TMEM234: variants seen among roughly 807,000 people sequenced by gnomAD.
The protein encoded by TMEM234 is chromosome 1 open reading frame 91.
TMEM234 carries 21 observed loss-of-function variants against 17.8 expected under a neutral mutation model. The observed-to-expected ratio is 1.18, with a 90% CI of 0.84 to 1.70. TMEM234 has a LOEUF of 1.70. Ranked by LOEUF, TMEM234 falls within the 40% of genes most tolerant of loss-of-function variation. The pLI is 0.00. For synonymous variants in TMEM234, 83 were observed against 73.5 expected, an observed-to-expected ratio of 1.13 and a Z score of -0.66; for missense variants, 137 against 166.9, an observed-to-expected ratio of 0.82 and a Z score of 0.99.
chr1:32,215,622 AAC>A (rs1235413307), downstream of TMEM234: 2 of 1,351,562 alleles, frequency 1.5e-6, no homozygotes, highest in Non-Finnish European at 1.0e-6. Flanking sequence ...GGGCCCCAGG[AAC>A]AGTTCTCCTC....
chr1:32,215,331 A>G (rs552659434), downstream of TMEM234: 15 of 882,794 alleles, frequency 1.7e-5, no homozygotes, highest in South Asian at 2.6e-4. Context: ...GTGGTGGGGA[A>G]TGCAGAACCA....
At chr1:32,215,616 C>T (rs969732654), downstream of TMEM234, 8 of 1,413,774 alleles carry the variant, frequency 5.7e-6, no homozygotes, top group African/African-American at 4.3e-5. Context: ...AGCCTTGGGC[C>T]CCAGGAACAG....
At position 32,216,825 on chromosome 1, in the gene TMEM234, A is replaced by G; in HGVS notation, c.*28T>C. 6.2e-7 allele frequency: 1 copy of G among 1,613,082 alleles called. No homozygotes were observed. The highest frequency in any genetic ancestry group is 8.5e-7 in the Non-Finnish European group (1 of 1,179,662). ...CATGGCCCAGGGGCTTCCTGGAGGC[A>G]GCAGAGCTGGAAGTGGGTTCGGCCC... On this transcript the variant is annotated 3_prime_UTR_variant, in exon 5 of 5. Coordinates refer to ENST00000309777, the MANE Select transcript of TMEM234 (RefSeq NM_019118.5).
At chr1:32,222,244 A>G in intron 1 of TMEM234, 63 bp downstream of exon 1, 1 of 1,527,218 alleles carries the variant, frequency 6.5e-7, no homozygotes, top group Non-Finnish European at 8.8e-7. Context: ...GTGGATGTGG[A>G]GCAGGAAATG....
Position 32,216,797 on chromosome 1 carries a change from C to A in TMEM234, c.*56G>T. The A allele has an allele frequency of 6.2e-7, 1 of 1,602,116 alleles. No individual in the cohort carries two copies. The highest frequency in any genetic ancestry group is 8.5e-7 in the Non-Finnish European group (1 of 1,173,632). On this transcript the variant is annotated 3_prime_UTR_variant, in exon 5 of 5. Coordinates refer to ENST00000309777, the MANE Select transcript of TMEM234 (RefSeq NM_019118.5). ...TAGGTCCATCCGCTCACTGCCAGCA[C>A]TTCATGGCCCAGGGGCTTCCTGGAG... is the stretch of plus-strand genomic sequence containing the variant.
Position 32,222,010 on chromosome 1 carries a change from A to C in TMEM234, c.25T>G (p.Leu9Val). The C allele has an allele frequency of 6.2e-7, 1 of 1,611,122 alleles. No individual in the cohort carries two copies. The highest frequency in any genetic ancestry group is 8.5e-7 in the Non-Finnish European group (1 of 1,179,320). Residue 9 changes from leucine to valine, a missense_variant, in exon 2 of 5, where the codon TTG becomes GTG. Coordinates refer to ENST00000309777, the MANE Select transcript of TMEM234 (RefSeq NM_019118.5). Reference protein sequence around the residue: MAASLGQVLALVLVAALWG... With the variant: MAASLGQVVALVLVAALWG... ...AGAGCGGCCACCAGCACCAGAGCCA[A>C]CACCTGCCCTGAATGCAGACGAGTG...
Position 32,217,259 on chromosome 1 carries a change from GT to G in TMEM234, c.327del (p.Lys109AsnfsTer11). 1.2e-6 allele frequency: 2 copies of G among 1,614,166 alleles called. No individual in the cohort carries two copies. The highest frequency in any genetic ancestry group is 1.7e-6 in the Non-Finnish European group (2 of 1,180,042). On this transcript the variant is annotated frameshift_variant and splice_region_variant, in exon 4 of 5. Transcript: ENST00000309777. LOFTEE classifies it high-confidence loss of function. ...CCGCACTCGCAGTAGTCTAACTTAC[GT>G]TTTCCACCAATATCTTCTCCAAGGG... ...GKALGEDIGG[K>X]RAVAGMVLTV...
chr1:32,220,781 A>G (rs190935283), intron 3 of TMEM234, among the ~76,000 whole-genome samples: 1 of 152,212 alleles, frequency 6.6e-6, no homozygotes, highest in Non-Finnish European at 1.5e-5. Flanking sequence ...AGCCAACTAT[A>G]TAAAACCAAG....
rs1289543011 is a variant in TMEM234 at position 32,222,306 on chromosome 1, C to T, written c.16+1G>A. ...ATGGAAGGGCGGGGCCGGCTACCTA[C>T]CCAGAGACGCCGCCATGGCAACGCC... On this transcript the variant is annotated splice_donor_variant, in intron 1 of 4. Transcript: ENST00000309777. LOFTEE classifies it high-confidence loss of function. The T allele has an allele frequency of 6.4e-6, 10 of 1,560,844 alleles. No homozygotes were observed. Among genetic ancestry groups the T allele is most frequent in the Non-Finnish European group, 8.7e-6 (10 of 1,152,978 alleles).
At chr1:32,221,012 G>A in intron 3 of TMEM234, 119 bp downstream of exon 3, 1 of 741,304 alleles carries the variant, frequency 1.3e-6, no homozygotes, top group South Asian at 1.6e-5. Flanking sequence ...GGGAACTAGA[G>A]CTAGTCAGCC....
In TMEM234 at chr1:32,216,927, G is replaced by A. The variant is rs756021806; in HGVS notation, c.349C>T (p.Leu117Phe). Reference protein sequence around the residue: ...GGKRAVAGMVLTVIGISLCIT... With the variant: ...GGKRAVAGMVFTVIGISLCIT... ...CAGAGTGAAATTCCTATCACGGTGA[G>A]CACCATGCCAGCAACTGCTCCTGGG... Residue 117 changes from leucine (L) to phenylalanine (F), a missense_variant, in exon 5 of 5, where the codon CTC (leucine) becomes TTC (phenylalanine). Transcript: ENST00000309777. 1.2e-6 allele frequency: 2 copies of A among 1,614,096 alleles called. No individual in the cohort carries two copies. Among genetic ancestry groups the A allele is most frequent in the East Asian group, 2.2e-5 (1 of 44,908 alleles).
chr1:32,216,627 G>A lies in TMEM234; in HGVS notation c.*226C>T, dbSNP rs142470749. 526 of 1,528,718 alleles carry A rather than the reference G, an allele frequency of 3.4e-4. 4 individuals are homozygous for A. The African/African-American group carries it at 6.4e-3, about 19-fold the overall frequency. The allele number at this position is 1,528,718 out of a possible 1,614,324, so 94.7% of individuals were successfully genotyped here. Reference sequence around the variant, plus strand: ...GGCAGAAAGGTTGCTGAGGGTGAGCGTAGAGTCTCCTGTGCTAAATCCCCG... The same window carrying A: ...GGCAGAAAGGTTGCTGAGGGTGAGCATAGAGTCTCCTGTGCTAAATCCCCG... On this transcript the variant is annotated 3_prime_UTR_variant, in exon 5 of 5. Coordinates refer to ENST00000309777, the MANE Select transcript of TMEM234 (RefSeq NM_019118.5).
chr1:32,215,847 C>CCTGGGG (rs1557537055), downstream of TMEM234: 2 of 1,553,214 alleles, frequency 1.3e-6, no homozygotes, highest in Non-Finnish European at 8.7e-7. Flanking sequence ...GGAAAACCAG[C>CCTGGGG]CTGGGGCTGG....
downstream of TMEM234, chr1:32,214,686 T>C: frequency 6.8e-7 from 1 of 1,468,364 alleles, no homozygotes; most frequent in Non-Finnish European, 9.2e-7. Context: ...AGACGGTGTC[T>C]CCTCTGCCAT....
chr1:32,217,611 C>G lies in TMEM234; in HGVS notation c.236-260G>C, dbSNP rs1638521610. ...ATAATGAGAATGAGGTCTTTGCACT[C>G]AAAGAGAACTCGTGAGATCTCAAGG... On this transcript the variant is annotated intron_variant, in intron 3 of 4. Coordinates refer to ENST00000309777, the MANE Select transcript of TMEM234 (RefSeq NM_019118.5). The G allele has an allele frequency of 4.2e-6, 3 of 722,608 alleles. No homozygotes were observed. In the East Asian group the frequency reaches 9.3e-5, roughly 22 times the overall value. 44.8% of individuals were successfully genotyped at this position (722,608 alleles called of 1,614,324 possible). A position where few individuals can be genotyped will look rare whatever the true frequency, so the allele number is the denominator to read the frequency against.
At chr1:32,220,287 G>A (rs531413757) in intron 3 of TMEM234, among the ~76,000 whole-genome samples, 8 of 152,056 alleles carry the variant, frequency 5.3e-5, no homozygotes, top group East Asian at 1.9e-4. Flanking sequence ...AGCCATTCTC[G>A]CGCCTCAGCC....
downstream of TMEM234, chr1:32,216,107 T>C: frequency 1.5e-6 from 1 of 675,154 alleles, no homozygotes; most frequent in Non-Finnish European, 2.5e-6. Flanking sequence ...GTGGGGGCTA[T>C]TTCCTTATGG....
downstream of TMEM234, chr1:32,214,832 T>G (rs750425826): frequency 1.2e-6 from 2 of 1,613,898 alleles, no homozygotes; most frequent in South Asian, 2.2e-5. Context: ...CCCAGCCCTC[T>G]CCAAAGGAAC....
Position 32,217,470 on chromosome 1 carries a change from A to G in TMEM234, c.236-119T>C. On this transcript the variant is annotated intron_variant, in intron 3 of 4. Coordinates refer to ENST00000309777, the MANE Select transcript of TMEM234 (RefSeq NM_019118.5). ...AAGGTATCAAAACCCCATCTTCCAG[A>G]TGAAGTCACAGCAAATCTCAGGACT... is the stretch of plus-strand genomic sequence containing the variant. The G allele has an allele frequency of 1.9e-6, 3 of 1,545,714 alleles. No individual in the cohort carries two copies. In the South Asian group the frequency reaches 3.6e-5, roughly 18 times the overall value.
Sources: allele counts gnomAD v4.1 joint callset (sites outside exome capture counted in the v4.1 genomes callset), GRCh38; gene constraint gnomAD v4.1.1; transcripts MANE v1.5; gene names NCBI Gene and HGNC (gene_info 2026-07-23, HGNC 2026-07-21).